The following ZNF750 variants were observed in gnomAD, a reference collection of about 807,000 sequenced individuals.
The protein encoded by ZNF750 is protein ZNF750.
ZNF750 carries 10 observed loss-of-function variants against 31.6 expected under a neutral mutation model. That is an observed-to-expected ratio of 0.32 (90% CI 0.19 to 0.54). The LOEUF is 0.54. Ranked by LOEUF, ZNF750 falls within the 20% of genes least tolerant of loss-of-function variation. ZNF750 has a pLI of 0.95. For missense variants in ZNF750, 914 were observed against 934.9 expected, an observed-to-expected ratio of 0.98 and a Z score of 0.29; for synonymous variants, 400 against 404.9, an observed-to-expected ratio of 0.99 and a Z score of 0.15.
At chr17:82,839,664 T>C (rs1358955623) in intron 1 of ZNF750, among the ~76,000 whole-genome samples, 1 of 152,226 alleles carries the variant, frequency 6.6e-6, no homozygotes, top group East Asian at 1.9e-4. Flanking sequence ...GTTTAACTTT[T>C]ATGAATTTTA....
In ZNF750 at chr17:82,831,072, G is replaced by A; in HGVS notation, c.1383C>T (p.Ser461=). 6.2e-7 allele frequency: 1 copy of A among 1,614,208 alleles called. No homozygotes were observed. Among genetic ancestry groups the A allele is most frequent in the Non-Finnish European group, 8.5e-7 (1 of 1,180,048 alleles). Residue 461 remains serine, a synonymous_variant, in exon 2 of 3, where the codon AGC becomes AGT. Coordinates refer to ENST00000269394, the MANE Select transcript of ZNF750 (RefSeq NM_024702.3). This position sits in a 1 kb window ranked among gnomAD's most constrained non-coding sequence, Gnocchi z 4.6. Reference sequence around the variant, plus strand: ...CAGCCTGGGCAGGTAGGCATTCTGTGCTTTTCTTAACAGGCCTGAAGGCTG... The same window carrying A: ...CAGCCTGGGCAGGTAGGCATTCTGTACTTTTCTTAACAGGCCTGAAGGCTG... ...SLTAFRPVKK[S]TECLPAQAAE...
intron 1 of ZNF750, chr17:82,838,721 G>T (rs1314745724): frequency 2.0e-6 from 2 of 985,302 alleles, no homozygotes; most frequent in African/African-American, 1.7e-5. Flanking sequence ...GGACAACCAA[G>T]ACCTGGGGAA....
At position 82,830,858 on chromosome 17, in the gene ZNF750, C is replaced by G; in HGVS notation, c.1456G>C (p.Asp486His). ...SPVSLNVVNG[D>H]PPAPTGSASL... The stretch of plus-strand genomic sequence containing the variant: ...GCGCTTCCGGTCGGAGCAGGAGGGT[C>G]TCCGTTCACAACATTGAGGCTAGAA... The change falls in exon 3 of 3, where the codon GAC (aspartate) becomes CAC (histidine). Residue 486 changes from aspartate to histidine, a missense_variant. Physicochemically the swap from Asp to His is moderately conservative, Grantham distance 81. Around this residue, in one of 2 missense-constraint regions of ZNF750, gnomAD observed 880 missense variants for 868.9 expected, o/e 1.01. Transcript: ENST00000269394. 1.9e-6 allele frequency: 3 copies of G among 1,612,796 alleles called. No homozygotes were observed. The highest frequency in any genetic ancestry group is 4.5e-5 in the East Asian group (2 of 44,864).
intron 1 of ZNF750, among the ~76,000 whole-genome samples, chr17:82,839,516 A>G (rs2054284301): frequency 6.6e-6 from 1 of 151,574 alleles, no homozygotes; most frequent in Admixed American, 6.6e-5. Flanking sequence ...TAATGTACAT[A>G]CACCACACAT....
At chr17:82,836,687 CAAAA>C (rs559997152) in intron 1 of ZNF750, among the ~76,000 whole-genome samples, 16 of 116,930 alleles carry the variant, frequency 1.4e-4, no homozygotes, top group African/African-American at 5.1e-4. Context: ...TACTTTTAGG[CAAAA>C]AAAAAAACAA....
intron 1 of ZNF750, chr17:82,838,536 A>G: frequency 8.7e-6 from 5 of 573,704 alleles, no homozygotes; most frequent in Non-Finnish European, 1.1e-5. Flanking sequence ...GCATGCTGTA[A>G]TTACAATATT....
chr17:82,831,550 T>A lies in ZNF750; in HGVS notation c.905A>T (p.Tyr302Phe). Residue 302 changes from tyrosine (Y) to phenylalanine (F), a missense_variant, in exon 2 of 3, where the codon TAC becomes TTC. By Grantham distance (22) the Tyr-to-Phe change is conservative (BLOSUM62 3). Coordinates refer to ENST00000269394, the MANE Select transcript of ZNF750 (RefSeq NM_024702.3). The surrounding 1 kb of genome is among the most constrained non-coding windows in gnomAD (Gnocchi z 4.6). ...TTGCTGGAAAAACCTGTAGTGATCG[T>A]ATGTGGCTGGAGATGGAGCCAGGTG... ...PKHLAPSPAT[Y>F]DHYRFFQQYP... The A allele has an allele frequency of 1.2e-6, 2 of 1,614,016 alleles. No homozygotes were observed. The highest frequency in any genetic ancestry group is 8.5e-7 in the Non-Finnish European group (1 of 1,179,990).
chr17:82,838,509 C>A, intron 1 of ZNF750: 1 of 388,796 alleles, frequency 2.6e-6, no homozygotes, highest in Non-Finnish European at 3.5e-6. Flanking sequence ...GCCTGCTCGG[C>A]TGGAGCATTG....
At chr17:82,838,252 T>C (rs2054152091) in intron 1 of ZNF750, among the ~76,000 whole-genome samples, 1 of 152,124 alleles carries the variant, frequency 6.6e-6, no homozygotes, top group South Asian at 2.1e-4. Flanking sequence ...CAGACAGTTG[T>C]TAGGGTAATA....
chr17:82,830,730 G>A lies in ZNF750; in HGVS notation c.1584C>T (p.His528=). Residue 528 remains histidine, a synonymous_variant, in exon 3 of 3, where the codon CAC becomes CAT. Transcript: ENST00000269394. ...KKSEINLAAT[H]EPTYQGSPQA... is the part of the protein sequence containing the mutation. ...GGGGGCTGCCTTGGTACGTGGGTTC[G>A]TGGGTGGCTGCCAGGTTTATCTCTG... The A allele has an allele frequency of 6.2e-7, 1 of 1,614,068 alleles. No individual in the cohort carries two copies. The highest frequency in any genetic ancestry group is 8.5e-7 in the Non-Finnish European group (1 of 1,180,024).
rs74002550 is a variant in ZNF750 at position 82,838,885 on chromosome 17, C to T, written c.-183+1042G>A. 3,949 of 985,384 alleles carry T rather than the reference C, an allele frequency of 4.0e-3. 34 individuals carry two copies. Among genetic ancestry groups the T allele is most frequent in the African/African-American group, 0.036 (2,045 of 57,334 alleles). The allele number at this position is 985,384 out of a possible 1,614,324, so 61.0% of individuals were successfully genotyped here. A position where few individuals can be genotyped will look rare whatever the true frequency, so the allele number is the denominator to read the frequency against. Reference sequence around the variant, plus strand: ...CAGTCGCCGCCTCATCCTGAAACTCCGGTCAGAAATGCTGGAAGGCCTTTG... The same window carrying T: ...CAGTCGCCGCCTCATCCTGAAACTCTGGTCAGAAATGCTGGAAGGCCTTTG... On this transcript the variant is annotated intron_variant, in intron 1 of 2. Coordinates refer to ENST00000269394, the MANE Select transcript of ZNF750 (RefSeq NM_024702.3).
At position 82,830,876 on chromosome 17, in the gene ZNF750, G is replaced by A. The variant is rs1420672958; in HGVS notation, c.1438C>T (p.Leu480Phe). ...GGAGGGTCTCCGTTCACAACATTGA[G>A]GCTAGAAGAAGCCAAGAAAAAGCTT... ...AETTAESPVS[L>F]NVVNGDPPAP... Residue 480 changes from leucine (L) to phenylalanine (F), a missense_variant and splice_region_variant, in exon 3 of 3, where the codon CTC (leucine) becomes TTC (phenylalanine). This residue lies in a region of ZNF750 where 880 missense variants were observed against 868.9 expected (regional missense o/e 1.01). Transcript: ENST00000269394. 4.3e-6 allele frequency: 7 copies of A among 1,612,636 alleles called. No homozygotes were observed. Among genetic ancestry groups the A allele is most frequent in the African/African-American group, 2.7e-5 (2 of 74,920 alleles).
In ZNF750 at chr17:82,831,373, C is replaced by G; in HGVS notation, c.1082G>C (p.Ser361Thr). The G allele has an allele frequency of 6.2e-7, 1 of 1,614,124 alleles. No homozygotes were observed. Among genetic ancestry groups the G allele is most frequent in the Non-Finnish European group, 8.5e-7 (1 of 1,180,018 alleles). ...GTCCGAAGGGTTTAACCTGGAAGGA[C>G]TCGAGGCTGGATAGACCAGGGTGGC... Reference protein sequence around the residue: ...EEATLVYPASSPSRLNPSDPN... With the variant: ...EEATLVYPASTPSRLNPSDPN... The change falls in exon 2 of 3, where the codon AGT (serine) becomes ACT (threonine). Residue 361 changes from serine to threonine, a missense_variant. Physicochemically the swap from Ser to Thr is moderately conservative, Grantham distance 58. Transcript: ENST00000269394. This position sits in a 1 kb window ranked among gnomAD's most constrained non-coding sequence, Gnocchi z 4.6.
intron 1 of ZNF750, among the ~76,000 whole-genome samples, chr17:82,839,287 C>A (rs749480598): frequency 6.6e-6 from 1 of 152,058 alleles, no homozygotes; most frequent in Non-Finnish European, 1.5e-5. Flanking sequence ...CTAAATTCAG[C>A]CTGATGTACT....
chr17:82,831,245 C>T lies in ZNF750; in HGVS notation c.1210G>A (p.Ala404Thr), dbSNP rs200563495. 4 of 1,613,766 alleles carry T rather than the reference C, an allele frequency of 2.5e-6. No individual in the cohort carries two copies. The highest frequency in any genetic ancestry group is 2.7e-5 in the African/African-American group (2 of 74,932). Residue 404 changes from alanine to threonine, a missense_variant, in exon 2 of 3, where the codon GCA (alanine) becomes ACA (threonine). Transcript: ENST00000269394. The surrounding 1 kb of genome is among the most constrained non-coding windows in gnomAD (Gnocchi z 4.6). Reference sequence around the variant, plus strand: ...GGGGAGCCCGTGGCTGCACTCCCTGCGCGGGGGCTCATTTTGGACCCTTCC... The same window carrying T: ...GGGGAGCCCGTGGCTGCACTCCCTGTGCGGGGGCTCATTTTGGACCCTTCC... The part of the protein sequence containing the change: ...DTEGSKMSPR[A>T]GSAATGSPGR...
chr17:82,839,722 G>A (rs1051561889), intron 1 of ZNF750, among the ~76,000 whole-genome samples: 1 of 152,224 alleles, frequency 6.6e-6, no homozygotes, highest in Non-Finnish European at 1.5e-5. Flanking sequence ...CATGTTCTTA[G>A]AATAAAGTGT....
intron 1 of ZNF750, among the ~76,000 whole-genome samples, chr17:82,837,495 C>T (rs958639219): frequency 1.3e-5 from 2 of 152,196 alleles, no homozygotes; most frequent in African/African-American, 2.4e-5. Flanking sequence ...TCTTTCTCTC[C>T]TGGGGGAGGT....
At position 82,832,100 on chromosome 17, in the gene ZNF750, C is replaced by T. The variant is rs367582658; in HGVS notation, c.355G>A (p.Ala119Thr). 6.2e-7 allele frequency: 1 copy of T among 1,614,220 alleles called. No individual in the cohort carries two copies. Among genetic ancestry groups the T allele is most frequent in the Non-Finnish European group, 8.5e-7 (1 of 1,180,032 alleles). ...EDIKENLELQ[A>T]RGTHRCLGQK... ...CCCAGGCACCTGTGGGTTCCCCGGG[C>T]TTGCAGCTCCAGGTTTTCCTTGATG... Residue 119 changes from alanine (A) to threonine (T), a missense_variant, in exon 2 of 3, where the codon GCC (alanine) becomes ACC (threonine). Transcript: ENST00000269394. The surrounding 1 kb of genome is among the most constrained non-coding windows in gnomAD (Gnocchi z 4.9).
At chr17:82,838,061 G>T (rs1274099894) in intron 1 of ZNF750, among the ~76,000 whole-genome samples, 1 of 152,232 alleles carries the variant, frequency 6.6e-6, no homozygotes, top group East Asian at 1.9e-4. Flanking sequence ...TCTGGAAAGT[G>T]CGCTGAGCTG....
Sources: allele counts gnomAD v4.1 joint callset (sites outside exome capture counted in the v4.1 genomes callset), GRCh38; gene constraint gnomAD v4.1.1; regional missense constraint gnomAD v4.1.1; non-coding constraint Gnocchi (gnomAD v3.1); transcripts MANE v1.5; gene names NCBI Gene and HGNC (gene_info 2026-07-23, HGNC 2026-07-21).